DAPP1: variants seen among roughly 807,000 people sequenced by gnomAD.
DAPP1 encodes dual adapter for phosphotyrosine and 3-phosphotyrosine and 3-phosphoinositide.
DAPP1 carries 20 observed loss-of-function variants against 41.5 expected under a neutral mutation model. The ratio of observed to expected loss-of-function variants is 0.48; its 90% confidence interval spans 0.34 to 0.70. The LOEUF (loss-of-function observed/expected upper bound fraction) is 0.70. Among genes scored for constraint, DAPP1 ranks in the 30% least tolerant of loss-of-function variants. The pLI is 0.01. For synonymous variants in DAPP1, 113 were observed against 116.2 expected, an observed-to-expected ratio of 0.97 and a Z score of 0.18; for missense variants, 233 against 333.4, an observed-to-expected ratio of 0.70 and a Z score of 2.35.
At chr4:99,834,734 TAGGGCTGCTATAACA>T (rs1334910635) in intron 1 of DAPP1, among the ~76,000 whole-genome samples, 4 of 152,336 alleles carry the variant, frequency 2.6e-5, no homozygotes, top group Admixed American at 2.6e-4. Flanking sequence ...ATTAGTTTGC[TAGGGCTGCTATAACA>T]AAGAACCACA....
intron 3 of DAPP1, among the ~76,000 whole-genome samples, chr4:99,845,554 G>C (rs1723640063): frequency 6.6e-6 from 1 of 152,194 alleles, no homozygotes; most frequent in Admixed American, 6.5e-5. Context: ...ATATGGCAGG[G>C]CTGTAACACA....
At chr4:99,847,642 C>T (rs999825068) in intron 3 of DAPP1, among the ~76,000 whole-genome samples, 11 of 152,302 alleles carry the variant, frequency 7.2e-5, no homozygotes, top group African/African-American at 2.6e-4. Flanking sequence ...CTCTGCTACC[C>T]CTGCCTCCTG....
At chr4:99,846,000 TTCTCGA>T (rs1723652817) in intron 3 of DAPP1, among the ~76,000 whole-genome samples, 1 of 152,200 alleles carries the variant, frequency 6.6e-6, no homozygotes, top group South Asian at 2.1e-4. Flanking sequence ...GTAATGAAGC[TTCTCGA>T]TGTTTTTTTC....
intron 3 of DAPP1, among the ~76,000 whole-genome samples, chr4:99,849,957 T>G (rs1395525166): frequency 6.6e-6 from 1 of 152,042 alleles, no homozygotes; most frequent in Non-Finnish European, 1.5e-5. Flanking sequence ...AGCTGGAAAA[T>G]GCAAAGGAAT....
At chr4:99,857,042 G>A (rs1441533936) in intron 4 of DAPP1, among the ~76,000 whole-genome samples, 1 of 152,204 alleles carries the variant, frequency 6.6e-6, no homozygotes, top group African/African-American at 2.4e-5. Context: ...TTGCTCATAA[G>A]ACATTTGGAA....
intron 4 of DAPP1, among the ~76,000 whole-genome samples, chr4:99,857,318 G>T (rs747854057): frequency 6.6e-6 from 1 of 152,006 alleles, no homozygotes; most frequent in Non-Finnish European, 1.5e-5. Flanking sequence ...TGGGTTGAGG[G>T]GATGAGAAAG....
At chr4:99,867,337 A>T (rs1348056231) in intron 8 of DAPP1, among the ~76,000 whole-genome samples, 2 of 152,236 alleles carry the variant, frequency 1.3e-5, no homozygotes, top group East Asian at 3.8e-4. Flanking sequence ...TACAAGAATT[A>T]TAGAAAAATA....
intron 3 of DAPP1, among the ~76,000 whole-genome samples, chr4:99,847,144 T>A (rs1391524062): frequency 6.6e-6 from 1 of 152,202 alleles, no homozygotes; most frequent in Non-Finnish European, 1.5e-5. Flanking sequence ...ATAAATCAGA[T>A]ATTATTCTTG....
chr4:99,867,336 T>G (rs941206729), intron 8 of DAPP1, among the ~76,000 whole-genome samples: 5 of 152,180 alleles, frequency 3.3e-5, no homozygotes, highest in Non-Finnish European at 5.9e-5. Context: ...ATACAAGAAT[T>G]ATAGAAAAAT....
chr4:99,870,889 C>T (rs1724613813), downstream of DAPP1, among the ~76,000 whole-genome samples: 1 of 152,118 alleles, frequency 6.6e-6, no homozygotes, highest in Non-Finnish European at 1.5e-5. Flanking sequence ...TAGGATTGTT[C>T]AACTTCACAA....
At chr4:99,868,065 G>C (rs1455976373) in intron 8 of DAPP1, 52 bp from the exon 9 acceptor site, 1 of 1,463,560 alleles carries the variant, frequency 6.8e-7, no homozygotes, top group African/African-American at 1.4e-5. Flanking sequence ...TAGAAGCCAG[G>C]GTTCATTACA....
intron 4 of DAPP1, among the ~76,000 whole-genome samples, chr4:99,854,335 G>A (rs1052239993): frequency 1.3e-5 from 2 of 151,884 alleles, no homozygotes; most frequent in Non-Finnish European, 2.9e-5. Context: ...ACCTCTATTT[G>A]GGCAGATGAT....
downstream of DAPP1, among the ~76,000 whole-genome samples, chr4:99,871,511 G>A (rs983276452): frequency 6.6e-6 from 1 of 151,888 alleles, no homozygotes; most frequent in Non-Finnish European, 1.5e-5. Flanking sequence ...CACAATCCCA[G>A]TTTATTATTA....
At chr4:99,829,591 T>C (rs1282629149) in intron 1 of DAPP1, among the ~76,000 whole-genome samples, 1 of 152,106 alleles carries the variant, frequency 6.6e-6, no homozygotes, top group Non-Finnish European at 1.5e-5. Flanking sequence ...AGGTAAAAAT[T>C]GTTGGAGCAG....
chr4:99,866,304 A>T (rs1001342008), intron 8 of DAPP1, among the ~76,000 whole-genome samples, 183 bp downstream of exon 8: 6 of 152,186 alleles, frequency 3.9e-5, no homozygotes, highest in African/African-American at 1.4e-4. Flanking sequence ...TGGAGACAGG[A>T]TTGTAAAAAA....
At chr4:99,871,658 A>G (rs1724631014), downstream of DAPP1, among the ~76,000 whole-genome samples, 1 of 152,242 alleles carries the variant, frequency 6.6e-6, no homozygotes, top group Non-Finnish European at 1.5e-5. Flanking sequence ...TGTGAGTAGC[A>G]CAGGTCTAGC....
chr4:99,857,713 C>T (rs371318086), intron 4 of DAPP1, among the ~76,000 whole-genome samples: 10,829 of 150,188 alleles, frequency 0.072, 469 homozygotes, highest in Non-Finnish European at 0.11. Context: ...CACACACACA[C>T]ACACACACAC....
intron 1 of DAPP1, among the ~76,000 whole-genome samples, chr4:99,826,419 G>A (rs764450958): frequency 1.1e-4 from 16 of 152,094 alleles, no homozygotes; most frequent in Admixed American, 7.2e-4. Flanking sequence ...CCCACTTTGC[G>A]TTGAAATATA....
At chr4:99,821,954 G>A (rs1196812384) in intron 1 of DAPP1, among the ~76,000 whole-genome samples, 1 of 152,290 alleles carries the variant, frequency 6.6e-6, no homozygotes, top group African/African-American at 2.4e-5. Flanking sequence ...GCTAAGAAAC[G>A]TAAAGTCAAA....
Sources: gnomAD v4.1 joint callset for allele counts (sites outside exome capture counted in the v4.1 genomes callset) on GRCh38, gnomAD v4.1.1 for gene constraint, MANE v1.5 for transcripts, NCBI Gene and HGNC (gene_info 2026-07-23, HGNC 2026-07-21) for gene names.